The following UGGT2 variants were observed in gnomAD, a reference collection of about 807,000 sequenced individuals.
UGGT2 encodes the protein UDP-glucose:glycoprotein glucosyltransferase 2.
In UGGT2, 180 loss-of-function variants were observed where a neutral mutation model predicts 192.1. The observed-to-expected ratio is 0.94, with a 90% CI of 0.83 to 1.06. The LOEUF is 1.06. UGGT2 is among the 50% of genes least tolerant of loss of function. The pLI is 0.00. For synonymous variants in UGGT2, 580 were observed against 591.0 expected (o/e 0.98, Z 0.27); for missense variants, 1,849 against 1,795.7 (o/e 1.03, Z -0.54).
chr13:95,896,996 T>C (rs547235234), intron 22 of UGGT2, among the ~76,000 whole-genome samples: 3 of 152,264 alleles, frequency 2.0e-5, no homozygotes, highest in Non-Finnish European at 4.4e-5. Flanking sequence ...CACAGAAGTT[T>C]GATCAACTAG....
rs760352498 is a variant in UGGT2 at position 95,832,983 on chromosome 13, T to C, written c.4472A>G (p.Tyr1491Cys). Residue 1491 changes from tyrosine to cysteine, a missense_variant, in exon 38 of 39, where the codon TAT (tyrosine) becomes TGT (cysteine). Coordinates refer to ENST00000376747, the MANE Select transcript of UGGT2 (RefSeq NM_020121.4). ...TAATAGTTGTCTTATCTCAGCATCA[T>C]ACTCCACCCATTCTGGGACAATTCT... ...AARIVPEWVEYDAEIRQLLDH... is the reference protein window; with the variant it reads ...AARIVPEWVECDAEIRQLLDH... 18 of 1,613,058 alleles carry C rather than the reference T, an allele frequency of 1.1e-5. No homozygotes were observed. The highest frequency in any genetic ancestry group is 1.7e-4 in the Middle Eastern group (1 of 6,052).
chr13:95,910,034 C>A (rs1042085086), intron 20 of UGGT2, among the ~76,000 whole-genome samples: 17 of 152,166 alleles, frequency 1.1e-4, no homozygotes, highest in Non-Finnish European at 1.9e-4. Context: ...TACAGACAAG[C>A]AAATGCTGAG....
intron 38 of UGGT2, among the ~76,000 whole-genome samples, chr13:95,823,035 C>G (rs1359411803): frequency 6.6e-6 from 1 of 152,038 alleles, no homozygotes; most frequent in Non-Finnish European, 1.5e-5. Flanking sequence ...ATCTTGATTT[C>G]ATTATTAATC....
chr13:96,045,206 A>C (rs1400856764), intron 1 of UGGT2, among the ~76,000 whole-genome samples: 1 of 152,188 alleles, frequency 6.6e-6, no homozygotes, highest in African/African-American at 2.4e-5. Context: ...AATGTGATAC[A>C]CCAGATAAAC....
At position 95,990,091 on chromosome 13, in the gene UGGT2, G is replaced by A. The variant is rs1298653274; in HGVS notation, c.831-18C>T. The A allele has an allele frequency of 6.5e-7, 1 of 1,532,868 alleles. No homozygotes were observed. The highest frequency in any genetic ancestry group is 1.2e-5 in the South Asian group (1 of 84,206). 95.0% of individuals were successfully genotyped at this position (1,532,868 alleles called of 1,614,324 possible). A position where few individuals can be genotyped will look rare whatever the true frequency, so the allele number is the denominator to read the frequency against. ...ATATTTCTCTGCATCAAAATATTAA[G>A]TGATGTTAAGTAGCATCACCTATCA... On this transcript the variant is annotated intron_variant, in intron 7 of 38. Transcript: ENST00000376747.
At chr13:95,845,680 T>C (rs959198383) in intron 36 of UGGT2, among the ~76,000 whole-genome samples, 4 of 152,290 alleles carry the variant, frequency 2.6e-5, no homozygotes, top group South Asian at 2.1e-4. Context: ...AATGAGCTGT[T>C]GGGTACACCT....
intron 17 of UGGT2, among the ~76,000 whole-genome samples, chr13:95,932,311 T>TTGTGTGTGTGTGTGTGTGTGTG (rs67135742): frequency 3.7e-4 from 51 of 139,418 alleles, no homozygotes; most frequent in Non-Finnish European, 6.4e-4. Flanking sequence ...GGTATTTTAT[T>TTGTGTGTGTGTGTGTGTGTGTG]TGTGTGTGTG....
Position 95,986,399 on chromosome 13 carries a change from G to A in UGGT2, c.965C>T (p.Ser322Phe). The A allele has an allele frequency of 6.2e-7, 1 of 1,601,844 alleles. No individual in the cohort carries two copies. The highest frequency in any genetic ancestry group is 8.5e-7 in the Non-Finnish European group (1 of 1,171,878). ...TTTAATGGAATCATAAACTGGAGCG[G>A]ACATTATTTGAGAAGCTGCTTGAAA... The part of the protein sequence containing the change: ...LSFQAASQIM[S>F]APVYDSIKLM... Residue 322 changes from serine (S) to phenylalanine (F), a missense_variant, in exon 9 of 39, where the codon TCC (serine) becomes TTC (phenylalanine). Physicochemically the swap from Ser to Phe is radical, Grantham distance 155 (BLOSUM62 -2). Coordinates refer to ENST00000376747, the MANE Select transcript of UGGT2 (RefSeq NM_020121.4).
At chr13:96,015,542 T>C (rs969882142) in intron 4 of UGGT2, among the ~76,000 whole-genome samples, 3 of 152,170 alleles carry the variant, frequency 2.0e-5, no homozygotes, top group Admixed American at 6.5e-5. Context: ...ATTATACCTA[T>C]AGAGGATGGC....
chr13:95,849,904 C>CT (rs1178150957), intron 36 of UGGT2, among the ~76,000 whole-genome samples: 1 of 139,324 alleles, frequency 7.2e-6, no homozygotes, highest in African/African-American at 2.6e-5. Flanking sequence ...TGCTATAATC[C>CT]CTTATTGGTA....
chr13:95,979,860 G>A (rs1172430136), intron 10 of UGGT2, among the ~76,000 whole-genome samples: 1 of 152,058 alleles, frequency 6.6e-6, no homozygotes, highest in Non-Finnish European at 1.5e-5. Flanking sequence ...CTCAAAAGAA[G>A]ATATACAAGT....
chr13:95,970,097 A>G lies in UGGT2; in HGVS notation c.1335+15T>C, dbSNP rs1337965838. 1.9e-6 allele frequency: 3 copies of G among 1,594,120 alleles called. No individual in the cohort carries two copies. The highest frequency in any genetic ancestry group is 2.7e-5 in the African/African-American group (2 of 74,216). On this transcript the variant is annotated intron_variant, in intron 12 of 38. Coordinates refer to ENST00000376747, the MANE Select transcript of UGGT2 (RefSeq NM_020121.4). ...TACTACAGGTTTTAGAACAAGGAAT[A>G]GCATAAGCACTTACCATTATAGAAG...
chr13:95,861,054 G>C (rs1191904634), intron 31 of UGGT2, among the ~76,000 whole-genome samples, 171 bp from the exon 32 acceptor site: 1 of 151,914 alleles, frequency 6.6e-6, no homozygotes, highest in Non-Finnish European at 1.5e-5. Context: ...ATCATTTGAA[G>C]CTTTATGAGT....
intron 5 of UGGT2, among the ~76,000 whole-genome samples, chr13:96,002,113 T>C (rs1373793905): frequency 6.6e-6 from 1 of 152,192 alleles, no homozygotes; most frequent in Admixed American, 6.5e-5. Flanking sequence ...GGTCAGTATC[T>C]CTAACTCACA....
chr13:96,042,494 A>G (rs987297418), intron 1 of UGGT2, among the ~76,000 whole-genome samples: 9 of 152,186 alleles, frequency 5.9e-5, no homozygotes, highest in African/African-American at 1.9e-4. Context: ...CTCGCTCACC[A>G]GCAATAGATC....
chr13:96,031,329 CA>C (rs1384518828), intron 2 of UGGT2, among the ~76,000 whole-genome samples: 2 of 151,934 alleles, frequency 1.3e-5, no homozygotes, highest in African/African-American at 4.8e-5. Flanking sequence ...TGGGGGGGGA[CA>C]GGGGAGACAA....
intron 5 of UGGT2, among the ~76,000 whole-genome samples, chr13:96,012,116 T>C (rs1015688901): frequency 6.6e-6 from 1 of 152,056 alleles, no homozygotes; most frequent in African/African-American, 2.4e-5. Flanking sequence ...GACATATATA[T>C]CACTGCAACA....
At position 95,975,712 on chromosome 13, in the gene UGGT2, A is replaced by G. The variant is rs557195665; in HGVS notation, c.1093-3041T>C. 3.9e-5 allele frequency among the ~76,000 whole-genome samples: 6 copies of G among 152,318 alleles called. No homozygotes were observed. In the East Asian group the frequency reaches 1.2e-3, roughly 29 times the overall value. Reference sequence around the variant, plus strand: ...AAGAAATTCCAATTGATTGGATCTCAGAAGACTGGTTGAGATTTACAATGT... The same window carrying G: ...AAGAAATTCCAATTGATTGGATCTCGGAAGACTGGTTGAGATTTACAATGT... On this transcript the variant is annotated intron_variant, in intron 10 of 38. Coordinates refer to ENST00000376747, the MANE Select transcript of UGGT2 (RefSeq NM_020121.4).
intron 38 of UGGT2, among the ~76,000 whole-genome samples, chr13:95,823,644 G>A (rs949531501): frequency 2.0e-5 from 3 of 151,914 alleles, no homozygotes; most frequent in Admixed American, 6.6e-5. Context: ...GAATTTATGT[G>A]AATTCTTATA....
Sources: gnomAD v4.1 joint callset for allele counts (sites outside exome capture counted in the v4.1 genomes callset) on GRCh38, gnomAD v4.1.1 for gene constraint, MANE v1.5 for transcripts, NCBI Gene and HGNC (gene_info 2026-07-23, HGNC 2026-07-21) for gene names.